TFIP11: variants seen among roughly 807,000 people sequenced by gnomAD.
The protein encoded by TFIP11 is tuftelin-interacting protein 11.
Under a neutral mutation model 96.8 loss-of-function variants are expected in TFIP11, and 86 were observed. The observed-to-expected ratio is 0.89, with a 90% CI of 0.75 to 1.06. The LOEUF is 1.06. Ranked by LOEUF, TFIP11 falls within the 50% of genes least tolerant of loss-of-function variation. TFIP11 has a pLI of 0.00. For missense variants in TFIP11, 881 were observed against 1,076.7 expected (o/e 0.82, Z 2.54); for synonymous variants, 405 against 395.2 (o/e 1.02, Z -0.29).
chr22:26,501,724 T>C (rs1485587447), intron 8 of TFIP11, among the ~76,000 whole-genome samples, 176 bp downstream of exon 8: 3 of 135,136 alleles, frequency 2.2e-5, no homozygotes, highest in Non-Finnish European at 1.5e-5. Flanking sequence ...ATGATATTAA[T>C]ACTATGTGAG....
At position 26,491,989 on chromosome 22, in the gene TFIP11, G is replaced by T. The variant is rs369030233; in HGVS notation, c.*24C>A. 1 of 1,561,750 alleles carries T rather than the reference G, an allele frequency of 6.4e-7. No individual in the cohort carries two copies. The highest frequency in any genetic ancestry group is 8.7e-7 in the Non-Finnish European group (1 of 1,150,824). ...ACATCCCTCTTAGGGGCAAGTCTCT[G>T]ACTGGTTCTGGACCTGCCACAGTTC... On this transcript the variant is annotated 3_prime_UTR_variant, in exon 15 of 15. Transcript: ENST00000407690.
At position 26,502,040 on chromosome 22, in the gene TFIP11, C is replaced by A; in HGVS notation, c.661G>T (p.Glu221Ter). The A allele has an allele frequency of 2.5e-6, 4 of 1,614,024 alleles. No individual in the cohort carries two copies. Among genetic ancestry groups the A allele is most frequent in the Non-Finnish European group, 3.4e-6 (4 of 1,180,028 alleles). ...GGGTCTTTCCTCCACTGGCTCAGCTCCTTCTGAAACTCCTGAACCAGAAGA... is the reference window on the plus strand; with the variant it reads ...GGGTCTTTCCTCCACTGGCTCAGCTACTTCTGAAACTCCTGAACCAGAAGA... ...EEEAEEEFQKELSQWRKDPSG... is the reference protein window; with the variant it reads ...EEEAEEEFQK The change falls in exon 8 of 15, where the codon GAG becomes TAG. Residue 221 changes from glutamate to a stop codon, truncating the protein, a stop_gained. Coordinates refer to ENST00000407690, the MANE Select transcript of TFIP11 (RefSeq NM_012143.4). LOFTEE classifies it high-confidence loss of function.
rs1922389887 is a variant in TFIP11 at position 26,498,878 on chromosome 22, G to A, written c.1427C>T (p.Ala476Val). ...CTGCTCTGTGGTGTACCTGTGAAAG[G>A]CATCTGCTGAGAGGTCCTGTCCGCC... ...SHGGQDLSAD[A>V]FHRLIWEVWM... is the part of the protein sequence containing the mutation. Residue 476 changes from alanine to valine, a missense_variant, in exon 10 of 15, where the codon GCC (alanine) becomes GTC (valine). By Grantham distance (64) the Ala-to-Val change is moderately conservative. Coordinates refer to ENST00000407690, the MANE Select transcript of TFIP11 (RefSeq NM_012143.4). 6.2e-7 allele frequency: 1 copy of A among 1,613,544 alleles called. No individual in the cohort carries two copies. Among genetic ancestry groups the A allele is most frequent in the Non-Finnish European group, 8.5e-7 (1 of 1,179,782 alleles).
In TFIP11 at chr22:26,502,002, C is replaced by G; in HGVS notation, c.699G>C (p.Lys233Asn). The G allele has an allele frequency of 6.2e-7, 1 of 1,613,946 alleles. No individual in the cohort carries two copies. Among genetic ancestry groups the G allele is most frequent in the South Asian group, 1.1e-5 (1 of 91,068 alleles). The change falls in exon 8 of 15, where the codon AAG becomes AAC. Residue 233 changes from lysine to asparagine, a missense_variant. By Grantham distance (94) the Lys-to-Asn change is moderately conservative (BLOSUM62 0). Coordinates refer to ENST00000407690, the MANE Select transcript of TFIP11 (RefSeq NM_012143.4). ...SQWRKDPSGS[K>N]KKPKYSYKTV... ...TCTTGTAAGAGTATTTGGGCTTCTTCTTGCTTCCACTTGGGTCTTTCCTCC... is the reference window on the plus strand; with the variant it reads ...TCTTGTAAGAGTATTTGGGCTTCTTGTTGCTTCCACTTGGGTCTTTCCTCC...
At chr22:26,493,934 CCT>C (rs1373349635) in intron 14 of TFIP11, 7 of 559,964 alleles carry the variant, frequency 1.3e-5, no homozygotes, top group Non-Finnish European at 1.9e-5. Flanking sequence ...GGAAGATGCC[CCT>C]CTCAGTCATG....
In TFIP11 at chr22:26,496,241, C is replaced by A; in HGVS notation, c.1681G>T (p.Ala561Ser). 1 of 1,613,834 alleles carries A rather than the reference C, an allele frequency of 6.2e-7. No homozygotes were observed. The highest frequency in any genetic ancestry group is 2.2e-5 in the East Asian group (1 of 44,874). ...WIHPWLPLMQ[A>S]RLEPLYSPIR... ...GGGGAATAGAGTGGCTCCAGCCGTGCCTGCATAAGGGGCAGCCATGGGTGG... is the reference window on the plus strand; with the variant it reads ...GGGGAATAGAGTGGCTCCAGCCGTGACTGCATAAGGGGCAGCCATGGGTGG... Residue 561 changes from alanine to serine, a missense_variant, in exon 12 of 15, where the codon GCA (alanine) becomes TCA (serine). Physicochemically the swap from Ala to Ser is moderately conservative, Grantham distance 99 (BLOSUM62 1). Transcript: ENST00000407690.
chr22:26,494,533 A>G (rs1407699054), intron 13 of TFIP11: 5 of 700,954 alleles, frequency 7.1e-6, no homozygotes, highest in Non-Finnish European at 1.2e-5. Context: ...TTCCATGTCT[A>G]CACAACAGGG....
At chr22:26,494,033 G>A (rs1921591429) in intron 14 of TFIP11, 106 bp downstream of exon 14, 2 of 1,339,310 alleles carry the variant, frequency 1.5e-6, no homozygotes, top group East Asian at 2.3e-5. Flanking sequence ...TGTGACCTAA[G>A]GTTTAGGCTG....
In TFIP11 at chr22:26,496,790, C is replaced by T. The variant is rs1837671506; in HGVS notation, c.1536G>A (p.Val512=). The change falls in exon 11 of 15, where the codon GTG becomes GTA. Residue 512 remains valine, a synonymous_variant. Transcript: ENST00000407690. The part of the protein sequence containing the change: ...DPMVDFLDSW[V]HIIPVWILDN... ...CTAAGATCCACACAGGAATAATGTGCACCCAACTATCCAAAAAGTCCACCA... is the reference window on the plus strand; with the variant it reads ...CTAAGATCCACACAGGAATAATGTGTACCCAACTATCCAAAAAGTCCACCA... The T allele has an allele frequency of 6.2e-7, 1 of 1,614,066 alleles. No homozygotes were observed. The highest frequency in any genetic ancestry group is 1.3e-5 in the African/African-American group (1 of 74,922).
intron 7 of TFIP11, 105 bp from the exon 8 acceptor site, chr22:26,502,157 T>A (rs929553754): frequency 2.8e-6 from 4 of 1,418,832 alleles, no homozygotes; most frequent in Non-Finnish European, 3.9e-6. Flanking sequence ...TGTCTTAGAT[T>A]TATTTACAAG....
chr22:26,510,248 C>G lies in TFIP11; in HGVS notation c.25G>C (p.Asp9His), dbSNP rs1468215587. 1 of 1,614,028 alleles carries G rather than the reference C, an allele frequency of 6.2e-7. No homozygotes were observed. Among genetic ancestry groups the G allele is most frequent in the African/African-American group, 1.3e-5 (1 of 74,884 alleles). The stretch of plus-strand genomic sequence containing the variant: ...TCATCATCAATGCGGCCTTCCCCAT[C>G]CCGGTATAAGTGGGACAATGACATG... MSLSHLYR[D>H]GEGRIDDDDD... is the part of the protein sequence containing the mutation. The change falls in exon 4 of 15, where the codon GAT (aspartate) becomes CAT (histidine). Residue 9 changes from aspartate to histidine, a missense_variant. Coordinates refer to ENST00000407690, the MANE Select transcript of TFIP11 (RefSeq NM_012143.4).
chr22:26,495,260 C>CTTTTTTTTTTT lies in TFIP11; in HGVS notation c.1850-332_1850-322dup, dbSNP rs150268332. Among the ~76,000 whole-genome samples, 11 of 59,176 alleles carry CTTTTTTTTTTT rather than the reference C, an allele frequency of 1.9e-4. 1 individual carries two copies. The highest frequency in any genetic ancestry group is 5.2e-4 in the African/African-American group (7 of 13,516). 38.8% of individuals were successfully genotyped at this position (59,176 alleles called of 152,430 possible). ...TACAGGCATAAGTCACAACTCCTGG[C>CTTTTTTTTTTT]TTTTTTTTTTTTTTTTTTTTTTTTT... On this transcript the variant is annotated intron_variant, in intron 12 of 14. Transcript: ENST00000407690.
At position 26,501,974 on chromosome 22, in the gene TFIP11, C is replaced by G. The variant is rs147540948; in HGVS notation, c.727G>C (p.Val243Leu). 1 of 1,613,822 alleles carries G rather than the reference C, an allele frequency of 6.2e-7. No individual in the cohort carries two copies. Among genetic ancestry groups the G allele is most frequent in the Admixed American group, 1.7e-5 (1 of 59,996 alleles). ...KKKPKYSYKT[V>L]EELKAKGRIS... is the part of the protein sequence containing the mutation. ...CTGCCCTTGGCCTTCAACTCTTCCACGGTCTTGTAAGAGTATTTGGGCTTC... is the reference window on the plus strand; with the variant it reads ...CTGCCCTTGGCCTTCAACTCTTCCAGGGTCTTGTAAGAGTATTTGGGCTTC... The change falls in exon 8 of 15, where the codon GTG becomes CTG. Residue 243 changes from valine (V) to leucine (L), a missense_variant. By Grantham distance (32) the Val-to-Leu change is conservative. Transcript: ENST00000407690.
intron 4 of TFIP11, among the ~76,000 whole-genome samples, chr22:26,509,526 C>T (rs1262612598): frequency 6.6e-6 from 1 of 152,164 alleles, no homozygotes; most frequent in African/African-American, 2.4e-5. Flanking sequence ...ATAGCACAGG[C>T]CTAATACATA....
intron 4 of TFIP11, among the ~76,000 whole-genome samples, chr22:26,508,983 T>C (rs1923741397): frequency 6.6e-6 from 1 of 152,122 alleles, no homozygotes; most frequent in Non-Finnish European, 1.5e-5. Context: ...CACATAACCT[T>C]GTGCTGGGGA....
rs1008468686 is a variant in TFIP11 at position 26,499,221 on chromosome 22, G to A, written c.1212C>T (p.Phe404=). The change falls in exon 9 of 15, where the codon TTC becomes TTT. Residue 404 remains phenylalanine, a synonymous_variant. Coordinates refer to ENST00000407690, the MANE Select transcript of TFIP11 (RefSeq NM_012143.4). ...PLTLDECARI[F]ETLQDKYYEE... The stretch of plus-strand genomic sequence containing the variant: ...CATAGTACTTGTCCTGCAGGGTTTC[G>A]AAGATGCGGGCACACTCGTCCAGGG... The A allele has an allele frequency of 9.9e-6, 16 of 1,613,882 alleles. No homozygotes were observed. Among genetic ancestry groups the A allele is most frequent in the Admixed American group, 5.0e-5 (3 of 59,968 alleles).
At chr22:26,508,844 A>C (rs1466897982) in intron 4 of TFIP11, among the ~76,000 whole-genome samples, 8 of 1,654 alleles carry the variant, frequency 4.8e-3, no homozygotes, top group Non-Finnish European at 0.014. Context: ...ACTTCATCTC[A>C]AAAAAAAAAA....
At chr22:26,502,996 G>C (rs134135) in intron 7 of TFIP11, among the ~76,000 whole-genome samples, 30,632 of 152,132 alleles carry the variant, frequency 0.2, 4,280 homozygotes, top group African/African-American at 0.4. Flanking sequence ...GACATGAAGA[G>C]TAACATGTCT....
intron 8 of TFIP11, among the ~76,000 whole-genome samples, 170 bp from the exon 9 acceptor site, chr22:26,499,801 G>C (rs1922559309): frequency 6.6e-6 from 1 of 152,212 alleles, no homozygotes; most frequent in African/African-American, 2.4e-5. Context: ...CTAGCCTAAA[G>C]GAGACTCCAG....
Sources: allele counts gnomAD v4.1 joint callset (sites outside exome capture counted in the v4.1 genomes callset), GRCh38; gene constraint gnomAD v4.1.1; transcripts MANE v1.5; gene names NCBI Gene and HGNC (gene_info 2026-07-23, HGNC 2026-07-21).